KLHL29: variants seen among roughly 807,000 people sequenced by gnomAD.
KLHL29 encodes kelch like family member 29, also known as kelch-like protein 29.
In KLHL29, 21 loss-of-function variants were observed where a neutral mutation model predicts 80.4. The ratio of observed to expected loss-of-function variants is 0.26; its 90% CI spans 0.19 to 0.38. KLHL29 has a LOEUF of 0.38. Among genes scored for constraint, KLHL29 ranks in the 10% least tolerant of loss-of-function variants. The pLI is 1.00. For missense variants in KLHL29, 867 were observed against 1,223.9 expected, an observed-to-expected ratio of 0.71 and a Z score of 4.35; for synonymous variants, 511 against 526.8, an observed-to-expected ratio of 0.97 and a Z score of 0.41.
At chr2:23,488,468 A>G (rs1040890807) in intron 2 of KLHL29, among the ~76,000 whole-genome samples, 11 of 152,174 alleles carry the variant, frequency 7.2e-5, no homozygotes, top group Admixed American at 3.9e-4. Flanking sequence ...ACTGGCTACA[A>G]TTCCCCATTG....
rs1671098941 is a variant in KLHL29, at chr2:23,682,036, C to T, written c.941-2363C>T. ...GTGTCCCACAGGCCCCACCCCACAACTGATCTTCTTGTTCCCTCCCTTCCT... is the reference window on the plus strand; with the variant it reads ...GTGTCCCACAGGCCCCACCCCACAATTGATCTTCTTGTTCCCTCCCTTCCT... On this transcript the variant is annotated intron_variant, in intron 5 of 13. Transcript: ENST00000486442. This position sits in a 1 kb window ranked among gnomAD's most constrained non-coding sequence, Gnocchi z 4.1. 6.6e-6 allele frequency among the ~76,000 whole-genome samples: 1 copy of T among 152,036 alleles called. No homozygotes were observed. The highest frequency in any genetic ancestry group is 2.1e-4 in the South Asian group (1 of 4,822).
chr2:23,586,883 T>G (rs985960011), intron 3 of KLHL29, among the ~76,000 whole-genome samples: 1 of 152,188 alleles, frequency 6.6e-6, no homozygotes, highest in African/African-American at 2.4e-5. Context: ...GATTCCTCTC[T>G]GTGACCCCAG....
rs1351355300 is a variant in KLHL29, at chr2:23,647,790, C to G, written c.940+4940C>G. On this transcript the variant is annotated intron_variant, in intron 5 of 13. Coordinates refer to ENST00000486442, the MANE Select transcript of KLHL29 (RefSeq NM_052920.2). The surrounding 1 kb of genome is among the most constrained non-coding windows in gnomAD (Gnocchi z 4.9). ...CTTGCAGGCTGCCCCGTAACCACCC[C>G]AGGCCTTGGCTCTCCAGTCTAGCCG... is the stretch of plus-strand genomic sequence containing the variant. Among the ~76,000 whole-genome samples the G allele has an allele frequency of 6.6e-6, 1 of 152,148 alleles. No individual in the cohort carries two copies. Among genetic ancestry groups the G allele is most frequent in the African/African-American group, 2.4e-5 (1 of 41,428 alleles).
At chr2:23,665,195 C>G (rs1670519897) in intron 5 of KLHL29, among the ~76,000 whole-genome samples, 1 of 152,224 alleles carries the variant, frequency 6.6e-6, no homozygotes. Flanking sequence ...TATCCTGACA[C>G]CACATGGCAG....
chr2:23,654,695 T>TGGG (rs769363801), intron 5 of KLHL29, among the ~76,000 whole-genome samples: 924 of 33,722 alleles, frequency 0.027, 76 homozygotes, highest in East Asian at 0.11. Flanking sequence ...GGAACAGAGG[T>TGGG]TGGGGGGGGG....
chr2:23,479,217 C>T (rs940728299), intron 2 of KLHL29, among the ~76,000 whole-genome samples: 8 of 151,608 alleles, frequency 5.3e-5, no homozygotes, highest in Admixed American at 4.6e-4. Context: ...GGCGCTCACA[C>T]CCCTGAAAAG....
At chr2:23,621,725 G>T (rs932156941) in intron 3 of KLHL29, among the ~76,000 whole-genome samples, 3 of 152,200 alleles carry the variant, frequency 2.0e-5, no homozygotes, top group African/African-American at 7.2e-5. Context: ...CCAAAATGAA[G>T]TGCAGCAGAA....
intron 1 of KLHL29, among the ~76,000 whole-genome samples, chr2:23,395,688 T>C (rs1666435371): frequency 6.6e-6 from 1 of 150,744 alleles, no homozygotes; most frequent in Non-Finnish European, 1.5e-5. Flanking sequence ...GAGGTTGCAG[T>C]GAGCTGAGAT....
chr2:23,598,923 G>A (rs1004479746), intron 3 of KLHL29, among the ~76,000 whole-genome samples: 7 of 152,366 alleles, frequency 4.6e-5, no homozygotes, highest in Middle Eastern at 3.4e-3. Context: ...AGAGCAGTGT[G>A]GGCAGTGGAA....
intron 2 of KLHL29, among the ~76,000 whole-genome samples, chr2:23,479,652 C>T (rs1250222968): frequency 6.6e-6 from 1 of 152,186 alleles, no homozygotes; most frequent in Non-Finnish European, 1.5e-5. Flanking sequence ...CGTAGCAGAT[C>T]CCTGCTGTCT....
chr2:23,645,464 A>C (rs374237411), intron 5 of KLHL29, among the ~76,000 whole-genome samples: 1 of 152,170 alleles, frequency 6.6e-6, no homozygotes, highest in East Asian at 1.9e-4. Context: ...CTTTAGAAAA[A>C]AAAAAGAACT....
chr2:23,410,214 T>C (rs1325735059), intron 1 of KLHL29, among the ~76,000 whole-genome samples: 6 of 151,956 alleles, frequency 3.9e-5, no homozygotes, highest in Admixed American at 6.5e-5. Flanking sequence ...TACCATGTGG[T>C]AAGCCACTGT....
chr2:23,462,704 C>T (rs1477246632), intron 1 of KLHL29, among the ~76,000 whole-genome samples: 4 of 152,218 alleles, frequency 2.6e-5, no homozygotes, highest in Non-Finnish European at 5.9e-5. Flanking sequence ...GGCAGTTCCC[C>T]ACTTTCCCAA....
intron 5 of KLHL29, among the ~76,000 whole-genome samples, chr2:23,675,271 A>C (rs966590435): frequency 2.0e-5 from 3 of 152,140 alleles, no homozygotes; most frequent in African/African-American, 4.8e-5. Flanking sequence ...CAACCAAACC[A>C]GGCACTTACT....
chr2:23,569,107 T>G (rs1420844492), intron 3 of KLHL29, among the ~76,000 whole-genome samples: 1 of 152,254 alleles, frequency 6.6e-6, no homozygotes, highest in African/African-American at 2.4e-5. Flanking sequence ...ACTGGAACAC[T>G]GCTGTCCCCA....
At chr2:23,678,847 G>A (rs1670994883) in intron 5 of KLHL29, among the ~76,000 whole-genome samples, 2 of 152,118 alleles carry the variant, frequency 1.3e-5, no homozygotes, top group African/African-American at 4.8e-5. Context: ...TTATAAGAGG[G>A]TCTAAAATAG....
intron 2 of KLHL29, among the ~76,000 whole-genome samples, chr2:23,528,358 G>A (rs963940790): frequency 6.6e-6 from 1 of 152,116 alleles, no homozygotes; most frequent in South Asian, 2.1e-4. Context: ...GTGTTGTGGG[G>A]CGAGGGGCTG....
intron 5 of KLHL29, chr2:23,667,210 A>T (rs750652692): frequency 6.6e-6 from 1 of 152,250 alleles, no homozygotes. Context: ...AAACATATGT[A>T]TGGAAGTGTG....
rs114679170 is a variant in KLHL29, at chr2:23,470,990, G to C, written c.-153-4570G>C. ...CTCTCGTCTTAAAAAGAATATGAAT[G>C]AGCGTTCCCCTTGCAGGACACACTG... On this transcript the variant is annotated intron_variant, in intron 1 of 13. Coordinates refer to ENST00000486442, the MANE Select transcript of KLHL29 (RefSeq NM_052920.2). Among the ~76,000 whole-genome samples the C allele has an allele frequency of 5.4e-3, 827 of 152,308 alleles. 10 individuals are homozygous for C. The highest frequency in any genetic ancestry group is 0.018 in the African/African-American group (747 of 41,562).
Sources: allele counts gnomAD v4.1 joint callset (sites outside exome capture counted in the v4.1 genomes callset), GRCh38; gene constraint gnomAD v4.1.1; non-coding constraint Gnocchi (gnomAD v3.1); transcripts MANE v1.5; gene names NCBI Gene and HGNC (gene_info 2026-07-23, HGNC 2026-07-21).